Variants in ARHGAP15 observed in about 807,000 individuals in gnomAD.
ARHGAP15 encodes the protein Rho GTPase activating protein 15.
Under a neutral mutation model 63.7 loss-of-function variants are expected in ARHGAP15, and 51 were observed. That is an observed-to-expected ratio of 0.80 (90% CI 0.64 to 1.01). The LOEUF is 1.01. ARHGAP15 is among the 50% of genes least tolerant of loss of function. The pLI, the probability that ARHGAP15 is intolerant of heterozygous loss-of-function variation, is 0.00. For synonymous variants in ARHGAP15, 191 were observed against 193.8 expected (o/e 0.99, Z 0.12); for missense variants, 560 against 564.6 (o/e 0.99, Z 0.08).
intron 11 of ARHGAP15, among the ~76,000 whole-genome samples, chr2:143,567,032 C>T (rs368324583): frequency 1.3e-5 from 2 of 151,954 alleles, no homozygotes; most frequent in East Asian, 1.9e-4. Flanking sequence ...CCCGCCACCA[C>T]GCCTGGCTAA....
chr2:143,673,722 TTG>T lies in ARHGAP15; in HGVS notation c.1139-29661_1139-29660del, dbSNP rs70982878. Among the ~76,000 whole-genome samples, 545 of 54,580 alleles carry T rather than the reference TTG, an allele frequency of 1.0e-2. 22 individuals are homozygous for T. Among genetic ancestry groups the T allele is most frequent in the East Asian group, 0.024 (29 of 1,228 alleles). 35.8% of individuals were successfully genotyped at this position (54,580 alleles called of 152,430 possible). On this transcript the variant is annotated intron_variant, in intron 12 of 13. Transcript: ENST00000295095. ...ACAAATATCTGATAAAGGCCTTATA[TTG>T]TGTGTGTGTGTGTGTGTGTGTGTGT...
chr2:143,673,232 A>G (rs1682621070), intron 12 of ARHGAP15, among the ~76,000 whole-genome samples: 1 of 152,196 alleles, frequency 6.6e-6, no homozygotes, highest in Admixed American at 6.5e-5. Flanking sequence ...CTAGAAAACA[A>G]ACAGAGTGTA....
At chr2:143,331,786 G>A (rs947139649) in intron 6 of ARHGAP15, among the ~76,000 whole-genome samples, 1 of 152,100 alleles carries the variant, frequency 6.6e-6, no homozygotes, top group African/African-American at 2.4e-5. Flanking sequence ...TAGCAGTAGA[G>A]GTAGGGTTAA....
chr2:143,350,528 A>G (rs1253477125), intron 6 of ARHGAP15, among the ~76,000 whole-genome samples: 1 of 151,930 alleles, frequency 6.6e-6, no homozygotes, highest in African/African-American at 2.4e-5. Context: ...ATGAAATTAT[A>G]TATTTTGTGG....
chr2:143,258,300 C>A (rs1680527599), intron 6 of ARHGAP15, among the ~76,000 whole-genome samples: 1 of 151,828 alleles, frequency 6.6e-6, no homozygotes, highest in South Asian at 2.1e-4. Flanking sequence ...AGCCACTGAG[C>A]AGGAGGAAAA....
chr2:143,685,247 A>AT (rs1268980331), intron 12 of ARHGAP15, among the ~76,000 whole-genome samples: 1 of 152,188 alleles, frequency 6.6e-6, no homozygotes, highest in South Asian at 2.1e-4. Context: ...TTAGAGAGCT[A>AT]TAATACCACC....
chr2:143,672,793 A>G (rs1227042840), intron 12 of ARHGAP15, among the ~76,000 whole-genome samples: 1 of 152,242 alleles, frequency 6.6e-6, no homozygotes, highest in Non-Finnish European at 1.5e-5. Context: ...CACATAATTT[A>G]GAGTTGATTG....
intron 9 of ARHGAP15, among the ~76,000 whole-genome samples, chr2:143,497,168 T>G (rs1418848349): frequency 6.6e-6 from 1 of 152,160 alleles, no homozygotes; most frequent in East Asian, 1.9e-4. Flanking sequence ...TCAAATCTTG[T>G]GTGTGTGTGT....
chr2:143,564,966 G>A (rs1696164888), intron 11 of ARHGAP15, among the ~76,000 whole-genome samples: 1 of 152,150 alleles, frequency 6.6e-6, no homozygotes, highest in Non-Finnish European at 1.5e-5. Flanking sequence ...GCATTTAATT[G>A]AGAATCTACT....
chr2:143,609,153 A>G (rs1461142540), intron 11 of ARHGAP15, among the ~76,000 whole-genome samples: 1 of 150,774 alleles, frequency 6.6e-6, no homozygotes, highest in Non-Finnish European at 1.5e-5. Flanking sequence ...AGAAATCCAC[A>G]GTCAAATTAT....
At chr2:143,606,179 A>G (rs1331569810) in intron 11 of ARHGAP15, among the ~76,000 whole-genome samples, 1 of 151,716 alleles carries the variant, frequency 6.6e-6, no homozygotes, top group Non-Finnish European at 1.5e-5. Context: ...TTGTTTACCA[A>G]TTAAAATGGG....
rs892315881 is a variant in ARHGAP15, at chr2:143,487,606, C to T, written c.826+111C>T. 8.0e-6 allele frequency: 10 copies of T among 1,256,144 alleles called. No homozygotes were observed. In the African/African-American group the frequency reaches 1.5e-4, roughly 19 times the overall value. 77.8% of individuals were successfully genotyped at this position (1,256,144 alleles called of 1,614,324 possible). On this transcript the variant is annotated intron_variant, in intron 9 of 13. Transcript: ENST00000295095. ...AGAATATTTTATTCTTCTTAGGTTG[C>T]TTATTAAATTTTCTACTCTGTAACA...
intron 12 of ARHGAP15, among the ~76,000 whole-genome samples, chr2:143,631,540 G>A (rs1018517327): frequency 6.6e-6 from 1 of 151,908 alleles, no homozygotes; most frequent in Admixed American, 6.6e-5. Flanking sequence ...GGTATTTTGT[G>A]GTTTAATTTG....
At chr2:143,718,216 C>T (rs1221087927) in intron 13 of ARHGAP15, among the ~76,000 whole-genome samples, 1 of 152,062 alleles carries the variant, frequency 6.6e-6, no homozygotes, top group African/African-American at 2.4e-5. Flanking sequence ...GAAATCTCAG[C>T]CATAAATAAT....
intron 2 of ARHGAP15, among the ~76,000 whole-genome samples, chr2:143,180,384 T>A (rs1303468849): frequency 1.3e-5 from 2 of 152,240 alleles, no homozygotes; most frequent in African/African-American, 4.8e-5. Context: ...TTTAGTTACA[T>A]CCTCAGGCTC....
chr2:143,704,212 T>C (rs1684223713), intron 13 of ARHGAP15, among the ~76,000 whole-genome samples: 1 of 152,136 alleles, frequency 6.6e-6, no homozygotes, highest in East Asian at 1.9e-4. Context: ...CTATTCTAAA[T>C]TCAAGGAAGA....
chr2:143,159,857 G>C (rs2105019025), intron 2 of ARHGAP15, among the ~76,000 whole-genome samples: 1 of 151,922 alleles, frequency 6.6e-6, no homozygotes, highest in Admixed American at 6.6e-5. Flanking sequence ...TTATTGCTGT[G>C]GATCGTATGA....
chr2:143,701,233 C>T (rs923035527), intron 12 of ARHGAP15, among the ~76,000 whole-genome samples: 9 of 152,282 alleles, frequency 5.9e-5, no homozygotes, highest in Middle Eastern at 3.4e-3. Flanking sequence ...CCTGTAATTC[C>T]TTATAAAAAA....
intron 8 of ARHGAP15, among the ~76,000 whole-genome samples, chr2:143,467,434 T>C (rs1691282875): frequency 6.6e-6 from 1 of 151,978 alleles, no homozygotes; most frequent in Admixed American, 6.6e-5. Context: ...TCCAGAAAAT[T>C]AAAATGCATT....
Sources: gnomAD v4.1 joint callset for allele counts (sites outside exome capture counted in the v4.1 genomes callset) on GRCh38, gnomAD v4.1.1 for gene constraint, MANE v1.5 for transcripts, NCBI Gene and HGNC (gene_info 2026-07-23, HGNC 2026-07-21) for gene names.